USP31: variants seen among roughly 807,000 people sequenced by gnomAD.
The protein encoded by USP31 is ubiquitin carboxyl-terminal hydrolase 31.
USP31 carries 44 observed loss-of-function variants against 119.4 expected under a neutral mutation model. That is an observed-to-expected ratio of 0.37 (90% CI 0.29 to 0.47). USP31 has a LOEUF of 0.47. Among genes scored for constraint, USP31 ranks in the 20% least tolerant of loss-of-function variants. The pLI, the probability that USP31 is intolerant of heterozygous loss-of-function variation, is 0.99. For missense variants in USP31, 1,643 were observed against 1,730.2 expected, an observed-to-expected ratio of 0.95 and a Z score of 0.89; for synonymous variants, 749 against 705.6, an observed-to-expected ratio of 1.06 and a Z score of -0.97.
intron 1 of USP31, among the ~76,000 whole-genome samples, chr16:23,143,995 T>C (rs1473587739): frequency 6.6e-6 from 1 of 152,114 alleles, no homozygotes; most frequent in African/African-American, 2.4e-5. Flanking sequence ...ATAAAGGTAA[T>C]GGCTAGAGAC....
intron 1 of USP31, among the ~76,000 whole-genome samples, chr16:23,114,456 A>T (rs1402834802): frequency 2.0e-5 from 3 of 151,810 alleles, no homozygotes; most frequent in Admixed American, 2.0e-4. Flanking sequence ...AAATAGGAAA[A>T]AAAAAAAAAA....
chr16:23,116,279 T>A (rs149314502), intron 1 of USP31, among the ~76,000 whole-genome samples: 1 of 151,978 alleles, frequency 6.6e-6, no homozygotes. Context: ...GAAAAAGAAA[T>A]AGATGAAATG....
At position 23,090,651 on chromosome 16, in the gene USP31, C is replaced by T. The variant is rs567189319; in HGVS notation, c.1388G>A (p.Arg463Gln). The change falls in exon 7 of 16, where the codon CGA becomes CAA. Residue 463 changes from arginine to glutamine, a missense_variant. Coordinates refer to ENST00000219689, the MANE Select transcript of USP31 (RefSeq NM_020718.4). ...SDKIVLLVCN[R>Q]ACTGQQGKRF... ...TTTCCCTTGTTGCCCAGTGCAGGCT[C>T]GGTTACACACCAACAGGACAATCTT... The T allele has an allele frequency of 5.6e-6, 9 of 1,613,254 alleles. No individual in the cohort carries two copies. Among genetic ancestry groups the T allele is most frequent in the Non-Finnish European group, 7.6e-6 (9 of 1,179,482 alleles).
chr16:23,143,580 G>A (rs891029145), intron 1 of USP31, among the ~76,000 whole-genome samples: 1 of 136,726 alleles, frequency 7.3e-6, no homozygotes, highest in African/African-American at 2.5e-5. Context: ...GAGAGAGGGA[G>A]AGGTTGGGGG....
chr16:23,090,551 T>G, intron 7 of USP31, 73 bp downstream of exon 7: 2 of 1,404,988 alleles, frequency 1.4e-6, no homozygotes, highest in Non-Finnish European at 1.9e-6. Context: ...TTTTTGCCCA[T>G]GCTTTTTAAC....
In USP31 at chr16:23,063,500, A is replaced by T. The variant is rs1899936183; in HGVS notation, c.*4546T>A. On this transcript the variant is annotated 3_prime_UTR_variant, in exon 16 of 16. Coordinates refer to ENST00000219689, the MANE Select transcript of USP31 (RefSeq NM_020718.4). ...TGGCAGGTTATTTTTAGAACAAAAC[A>T]CTTTAGGAAAGTCTTCAGGCTAAAT... is the stretch of plus-strand genomic sequence containing the variant. The T allele has an allele frequency of 6.6e-6, 1 of 152,648 alleles. No individual in the cohort carries two copies. The highest frequency in any genetic ancestry group is 1.5e-5 in the Non-Finnish European group (1 of 68,044). The allele number at this position is 152,648 out of a possible 1,614,324, so 9.5% of individuals were successfully genotyped here.
intron 7 of USP31, among the ~76,000 whole-genome samples, chr16:23,088,162 G>C (rs961031258): frequency 6.6e-6 from 1 of 152,080 alleles, no homozygotes; most frequent in South Asian, 2.1e-4. Flanking sequence ...AGCACAGGTC[G>C]AACTCATAAG....
In USP31 at chr16:23,102,440, A is replaced by G. The variant is rs761286793; in HGVS notation, c.1113T>C (p.Tyr371=). ...CACAAAAGGAACGATGGAACCCATC[A>G]TAGTACATTTCTGTTAACACAATCT... ...TDQIVLTEMY[Y]DGFHRSFCDT... The change falls in exon 6 of 16, where the codon TAT becomes TAC. Residue 371 remains tyrosine (Y), a synonymous_variant. Transcript: ENST00000219689. 6.2e-7 allele frequency: 1 copy of G among 1,612,244 alleles called. No homozygotes were observed. The highest frequency in any genetic ancestry group is 1.3e-5 in the African/African-American group (1 of 74,938).
intron 1 of USP31, among the ~76,000 whole-genome samples, chr16:23,123,350 C>G (rs1596727638): frequency 6.6e-6 from 1 of 152,014 alleles, no homozygotes; most frequent in African/African-American, 2.4e-5. Flanking sequence ...CCAGCCTGGC[C>G]AACATGGTGA....
chr16:23,070,882 C>T (rs1440622792), intron 15 of USP31, among the ~76,000 whole-genome samples: 2 of 152,120 alleles, frequency 1.3e-5, no homozygotes, highest in Non-Finnish European at 2.9e-5. Flanking sequence ...ATTCTGTGGG[C>T]ACCACCCAGC....
chr16:23,147,054 T>C (rs2141908720), intron 1 of USP31, among the ~76,000 whole-genome samples: 1 of 151,822 alleles, frequency 6.6e-6, no homozygotes, highest in East Asian at 1.9e-4. Flanking sequence ...TGGGCAAGAT[T>C]AGGATAGGAA....
intron 1 of USP31, among the ~76,000 whole-genome samples, chr16:23,128,838 T>G (rs1335116699): frequency 6.6e-6 from 1 of 152,170 alleles, no homozygotes; most frequent in African/African-American, 2.4e-5. Context: ...TCTAAACCTC[T>G]AGCTCTAACT....
intron 1 of USP31, among the ~76,000 whole-genome samples, chr16:23,147,379 G>A (rs1903548422): frequency 6.6e-6 from 1 of 152,154 alleles, no homozygotes; most frequent in Non-Finnish European, 1.5e-5. Flanking sequence ...AAAGTGCTAG[G>A]ATTACAGGCA....
intron 1 of USP31, among the ~76,000 whole-genome samples, chr16:23,146,262 A>T (rs1425149976): frequency 6.6e-6 from 1 of 151,724 alleles, no homozygotes; most frequent in East Asian, 1.9e-4. Context: ...GTGGACCTAC[A>T]GTAGTCAGTT....
At chr16:23,102,579 C>T (rs1187277502) in intron 5 of USP31, 116 bp from the exon 6 acceptor site, 26 of 1,179,372 alleles carry the variant, frequency 2.2e-5, no homozygotes, top group South Asian at 3.6e-5. Context: ...AGAGACATCT[C>T]GCAGAGCCCA....
chr16:23,106,309 CA>C lies in USP31; in HGVS notation c.861-5del. 1.2e-6 allele frequency: 2 copies of C among 1,613,218 alleles called. No individual in the cohort carries two copies. Among genetic ancestry groups the C allele is most frequent in the Non-Finnish European group, 1.7e-6 (2 of 1,179,794 alleles). The stretch of plus-strand genomic sequence containing the variant: ...ATGAGGACACGTCAAAGAAGATCTT[CA>C]AAACAAAAAGGTAAGACGCTTGACA... On this transcript the variant is annotated splice_polypyrimidine_tract_variant and splice_region_variant and intron_variant, in intron 3 of 15. Coordinates refer to ENST00000219689, the MANE Select transcript of USP31 (RefSeq NM_020718.4).
intron 13 of USP31, among the ~76,000 whole-genome samples, chr16:23,074,356 T>G (rs560101158): frequency 1.3e-5 from 2 of 152,298 alleles, no homozygotes; most frequent in African/African-American, 2.4e-5. Context: ...CTGAGTTCAG[T>G]GTGTTGCAAC....
chr16:23,073,879 C>T lies in USP31; in HGVS notation c.2178G>A (p.Ala726=), dbSNP rs201076871. ...HGTMQGGHYT[A]YCKNSVDGLW... The stretch of plus-strand genomic sequence containing the variant: ...GGCCGTCCACAGAGTTCTTACAGTA[C>T]GCTGCCAAAGAGAGCCCGCCATCAG... Residue 726 remains alanine (A), a splice_region_variant and synonymous_variant, in exon 14 of 16, where the codon GCG becomes GCA. Coordinates refer to ENST00000219689, the MANE Select transcript of USP31 (RefSeq NM_020718.4). 4.1e-5 allele frequency: 66 copies of T among 1,613,824 alleles called. No individual in the cohort carries two copies. The highest frequency in any genetic ancestry group is 1.7e-4 in the Admixed American group (10 of 59,994).
rs1180255230 is a variant in USP31, at chr16:23,064,119, CAGAA to C, written c.*3923_*3926del. On this transcript the variant is annotated 3_prime_UTR_variant, in exon 16 of 16. Transcript: ENST00000219689. ...AATAATACAAAGTTCCACGCACCTC[CAGAA>C]TACGTGTTTTATTGAAACTGTGCTT... 2 of 152,646 alleles carry C rather than the reference CAGAA, an allele frequency of 1.3e-5. No homozygotes were observed. Among genetic ancestry groups the C allele is most frequent in the African/African-American group, 4.8e-5 (2 of 41,456 alleles). 9.5% of individuals were successfully genotyped at this position (152,646 alleles called of 1,614,324 possible).
Sources: allele counts gnomAD v4.1 joint callset (sites outside exome capture counted in the v4.1 genomes callset), GRCh38; gene constraint gnomAD v4.1.1; transcripts MANE v1.5; gene names NCBI Gene and HGNC (gene_info 2026-07-23, HGNC 2026-07-21).